Variants in VWA8 observed in about 807,000 individuals in gnomAD.
The protein encoded by VWA8 is von Willebrand factor A domain-containing protein 8.
In VWA8, 221 loss-of-function variants were observed where a neutral mutation model predicts 241.5. That is an observed-to-expected ratio of 0.91 (90% CI 0.82 to 1.02). The LOEUF (loss-of-function observed/expected upper bound fraction) is 1.02. Among genes scored for constraint, VWA8 ranks in the 50% least tolerant of loss-of-function variants. The pLI is 0.00. For synonymous variants in VWA8, 852 were observed against 827.1 expected (o/e 1.03, Z -0.52); for missense variants, 2,322 against 2,328.7 (o/e 1.00, Z 0.06).
At chr13:41,762,241 C>T (rs1343149423) in intron 20 of VWA8, among the ~76,000 whole-genome samples, 1 of 152,098 alleles carries the variant, frequency 6.6e-6, no homozygotes, top group Non-Finnish European at 1.5e-5. Context: ...ATAAGGGACA[C>T]TTAACCCATA....
chr13:41,892,320 C>T (rs1031711715), intron 4 of VWA8, among the ~76,000 whole-genome samples: 3 of 152,110 alleles, frequency 2.0e-5, no homozygotes, highest in African/African-American at 4.8e-5. Flanking sequence ...CAAAATCCTT[C>T]ATGTTCTGCT....
At position 41,570,661 on chromosome 13, in the gene VWA8, A is replaced by C; in HGVS notation, c.5416T>G (p.Leu1806Val). 6.2e-7 allele frequency: 1 copy of C among 1,614,194 alleles called. No individual in the cohort carries two copies. Among genetic ancestry groups the C allele is most frequent in the Non-Finnish European group, 8.5e-7 (1 of 1,180,034 alleles). ...TTGATGGCATGTTCTGTCCCTTCTA[A>C]CGTGTGGTCCCCACTCATGCAGAAC... ...SQFCMSGDHT[L>V]EGTEHAIKEI... is the part of the protein sequence containing the mutation. The change falls in exon 44 of 45, where the codon TTA becomes GTA. Residue 1806 changes from leucine (L) to valine (V), a missense_variant. Transcript: ENST00000379310.
chr13:41,795,915 C>T (rs757760347), intron 17 of VWA8, among the ~76,000 whole-genome samples: 4 of 151,994 alleles, frequency 2.6e-5, no homozygotes, highest in Admixed American at 2.0e-4. Flanking sequence ...AACAAACCTG[C>T]ACCTCCTGCA....
At chr13:41,947,455 T>G (rs1877900656) in intron 2 of VWA8, among the ~76,000 whole-genome samples, 2 of 152,208 alleles carry the variant, frequency 1.3e-5, no homozygotes, top group African/African-American at 4.8e-5. Flanking sequence ...GACATGATTT[T>G]GGGCAAATAA....
chr13:41,890,244 C>A (rs1033410330), intron 5 of VWA8, among the ~76,000 whole-genome samples: 1 of 152,150 alleles, frequency 6.6e-6, no homozygotes, highest in Middle Eastern at 3.2e-3. Flanking sequence ...CATATTAGCA[C>A]CCTGGGAGCA....
intron 21 of VWA8, among the ~76,000 whole-genome samples, chr13:41,741,558 T>C (rs1004172961): frequency 2.6e-5 from 4 of 152,214 alleles, no homozygotes; most frequent in Non-Finnish European, 5.9e-5. Flanking sequence ...GAGTATCTCC[T>C]TGACAAGGCA....
At chr13:41,694,277 TTCAAGAATTAAAATAG>T (rs1243009556) in intron 29 of VWA8, among the ~76,000 whole-genome samples, 1 of 152,004 alleles carries the variant, frequency 6.6e-6, no homozygotes, top group Non-Finnish European at 1.5e-5. Flanking sequence ...TGTGGAAGTG[TTCAAGAATTAAAATAG>T]TATTTGCACC....
chr13:41,813,926 T>C lies in VWA8; in HGVS notation c.1948-2586A>G, dbSNP rs575434935. Among the ~76,000 whole-genome samples the C allele has an allele frequency of 8.5e-5, 13 of 152,274 alleles. No homozygotes were observed. In the South Asian group the frequency reaches 2.7e-3, roughly 32 times the overall value. ...GAAGATATGAAGCACATTCCCCTAG[T>C]TACCATGGTTATACAGTTTAAGAGT... On this transcript the variant is annotated intron_variant, in intron 16 of 44. Transcript: ENST00000379310.
chr13:41,784,737 C>CATACATATATAT (rs1869095994), intron 18 of VWA8, among the ~76,000 whole-genome samples: 1 of 72,562 alleles, frequency 1.4e-5, no homozygotes. Context: ...TATACACACA[C>CATACATATATAT]ATATATATAT....
chr13:41,688,292 G>A (rs2045150731), intron 34 of VWA8, among the ~76,000 whole-genome samples: 1 of 151,968 alleles, frequency 6.6e-6, no homozygotes, highest in Admixed American at 6.6e-5. Context: ...TACAAAATTG[G>A]AGTACCGTCA....
chr13:41,650,779 A>G (rs2044864214), intron 37 of VWA8, among the ~76,000 whole-genome samples: 1 of 152,194 alleles, frequency 6.6e-6, no homozygotes, highest in Non-Finnish European at 1.5e-5. Flanking sequence ...ATCAAGGCAT[A>G]GGGATGCCGA....
At chr13:41,873,770 T>C (rs994674978) in intron 9 of VWA8, among the ~76,000 whole-genome samples, 2 of 152,186 alleles carry the variant, frequency 1.3e-5, no homozygotes, top group African/African-American at 4.8e-5. Context: ...GAGGAACTGG[T>C]ATCATTCCTT....
chr13:41,655,437 G>A (rs1041341163), intron 37 of VWA8, among the ~76,000 whole-genome samples: 4 of 151,398 alleles, frequency 2.6e-5, no homozygotes, highest in Non-Finnish European at 5.9e-5. Context: ...CATTTAAGTG[G>A]TTCACGAAAA....
intron 20 of VWA8, among the ~76,000 whole-genome samples, chr13:41,763,712 T>A (rs59204719): frequency 0.019 from 2,949 of 152,238 alleles, 97 homozygotes; most frequent in African/African-American, 0.066. Context: ...ACATCACAAA[T>A]GCATTACAAT....
chr13:41,603,103 G>A (rs1249319652), intron 40 of VWA8, among the ~76,000 whole-genome samples: 1 of 152,116 alleles, frequency 6.6e-6, no homozygotes, highest in Non-Finnish European at 1.5e-5. Context: ...GTAAGTTATT[G>A]ACTCCAACCC....
In VWA8 at chr13:41,893,450, A is replaced by G. The variant is rs186481923; in HGVS notation, c.484-1863T>C. ...TCTACCAGAGTAGCCATCTTGTTCT[A>G]GAAGCTTTATTTAAAAAAAAAAAAA... On this transcript the variant is annotated intron_variant, in intron 4 of 44. Transcript: ENST00000379310. 7.3e-5 allele frequency among the ~76,000 whole-genome samples: 11 copies of G among 151,188 alleles called. No homozygotes were observed. In the East Asian group the frequency reaches 1.2e-3, roughly 16 times the overall value.
At chr13:41,786,310 T>C (rs185217861) in intron 18 of VWA8, among the ~76,000 whole-genome samples, 190 of 152,266 alleles carry the variant, frequency 1.2e-3, no homozygotes, top group African/African-American at 4.5e-3. Context: ...ATAACCAGCA[T>C]ATTAATTGAA....
rs771863322 is a variant in VWA8, at chr13:41,721,417, A to G, written c.2917T>C (p.Tyr973His). The G allele has an allele frequency of 3.7e-6, 6 of 1,613,882 alleles. No individual in the cohort carries two copies. The highest frequency in any genetic ancestry group is 5.1e-6 in the Non-Finnish European group (6 of 1,179,816). ...ACAACTTCTCTGGTAGAATAAGGAT[A>G]GTTAATAATCCCTTGGTCAGCCAAA... ...RSLADQGIIN[Y>H]PYSTREVVNI... The change falls in exon 25 of 45, where the codon TAT becomes CAT. Residue 973 changes from tyrosine to histidine, a missense_variant. Coordinates refer to ENST00000379310, the MANE Select transcript of VWA8 (RefSeq NM_015058.2).
At chr13:41,595,755 A>C (rs2044484077) in intron 40 of VWA8, among the ~76,000 whole-genome samples, 1 of 152,072 alleles carries the variant, frequency 6.6e-6, no homozygotes, top group Admixed American at 6.6e-5. Flanking sequence ...CCCATTCTAC[A>C]ATTCTGCTGA....
Sources: allele counts gnomAD v4.1 joint callset (sites outside exome capture counted in the v4.1 genomes callset), GRCh38; gene constraint gnomAD v4.1.1; transcripts MANE v1.5; gene names NCBI Gene and HGNC (gene_info 2026-07-23, HGNC 2026-07-21).